Variants in PRSS53 observed in about 807,000 individuals in gnomAD.
PRSS53 encodes the protein EDTP308.
In PRSS53, 54 loss-of-function variants were observed where a neutral mutation model predicts 62.7. The observed-to-expected ratio is 0.86, with a 90% CI of 0.69 to 1.08. PRSS53 has a LOEUF of 1.08. Ranked by LOEUF, PRSS53 falls within the 50% of genes least tolerant of loss-of-function variation. The pLI, the probability that PRSS53 is intolerant of heterozygous loss-of-function variation, is 0.00. For missense variants in PRSS53, 688 were observed against 728.3 expected, an observed-to-expected ratio of 0.94 and a Z score of 0.64; for synonymous variants, 273 against 300.0, an observed-to-expected ratio of 0.91 and a Z score of 0.93.
At chr16:31,088,298 C>A in intron 1 of PRSS53, 1 of 1,125,198 alleles carries the variant, frequency 8.9e-7, no homozygotes, top group Non-Finnish European at 1.1e-6. Context: ...GTCTTCCCCA[C>A]CTTCCCAGAA....
intron 1 of PRSS53, chr16:31,088,484 A>C: frequency 7.5e-7 from 1 of 1,338,466 alleles, no homozygotes; most frequent in Non-Finnish European, 9.6e-7. Context: ...AGGGGGAGGC[A>C]GGCACAGGAC....
At chr16:31,083,458 TA>T in exon 11 of PRSS53, 1 of 1,309,698 alleles carries the variant, frequency 7.6e-7, no homozygotes, top group Admixed American at 3.8e-5. Context: ...ACAATTTATT[TA>T]AGTTTAAAAA....
chr16:31,084,673 G>A lies in PRSS53; in HGVS notation c.1310C>T (p.Thr437Ile), dbSNP rs769103401. 8 of 1,611,964 alleles carry A rather than the reference G, an allele frequency of 5.0e-6. No homozygotes were observed. Among genetic ancestry groups the A allele is most frequent in the Middle Eastern group, 1.7e-4 (1 of 5,768 alleles). ...GCTGCAGGCCCTAGGCCCCAGGAGG[G>A]TCACGGGCACTGTCTGGAGGGAGCT... is the stretch of plus-strand genomic sequence containing the variant. Residue 437 changes from threonine (T) to isoleucine (I), a missense_variant, in exon 9 of 11, where the codon ACC becomes ATC. By Grantham distance (89) the Thr-to-Ile change is moderately conservative. Coordinates refer to ENST00000280606, the Ensembl canonical transcript of PRSS53.
At chr16:31,088,149 C>A in intron 1 of PRSS53, 1 of 1,322,906 alleles carries the variant, frequency 7.6e-7, no homozygotes, top group Admixed American at 3.2e-5. Context: ...AGCCAGGCGG[C>A]CTGTGTGTGT....
At chr16:31,083,804 G>A (rs1244615124) in exon 11 of PRSS53, 1 of 1,614,072 alleles carries the variant, frequency 6.2e-7, no homozygotes, top group Non-Finnish European at 8.5e-7. Flanking sequence ...CAGCTGGTTG[G>A]TTGGCCTGTG....
exon 5 of PRSS53, chr16:31,086,352 C>A: frequency 6.2e-7 from 1 of 1,612,612 alleles, no homozygotes; most frequent in Non-Finnish European, 8.5e-7. Context: ...AGGGGCCCTG[C>A]ACCCCAGGCT....
chr16:31,086,190 C>T lies in PRSS53; in HGVS notation c.664-7G>A. 6.2e-7 allele frequency: 1 copy of T among 1,609,088 alleles called. No individual in the cohort carries two copies. Among genetic ancestry groups the T allele is most frequent in the South Asian group, 1.1e-5 (1 of 90,978 alleles). On this transcript the variant is annotated splice_region_variant and splice_polypyrimidine_tract_variant and intron_variant, in intron 5 of 10. Transcript: ENST00000280606. ...CAGGGCCCCCGGAATCTCCCTGGAG[C>T]CAGGCAACAAAGCCAAGGACAGATG... is the stretch of plus-strand genomic sequence containing the variant.
intron 3 of PRSS53, 51 bp downstream of exon 3, chr16:31,087,486 T>C (rs2143886515): frequency 7.0e-7 from 1 of 1,435,146 alleles, no homozygotes; most frequent in East Asian, 2.3e-5. Flanking sequence ...TTGAGACAAA[T>C]TGTCCACTCC....
Position 31,086,434 on chromosome 16 carries a change from C to A in PRSS53, c.566G>T (p.Cys189Phe), listed in dbSNP as rs768861705. Residue 189 changes from cysteine to phenylalanine, a missense_variant, in exon 5 of 11, where the codon TGT becomes TTT. Cys to Phe is a radical substitution (Grantham distance 205). Transcript: ENST00000280606. ...TCGCTGGTGCAGCTGGTTGTAGATACAGTTACATGTGGGGCGACTGATGAG... is the reference window on the plus strand; with the variant it reads ...TCGCTGGTGCAGCTGGTTGTAGATAAAGTTACATGTGGGGCGACTGATGAG... The A allele has an allele frequency of 5.0e-6, 8 of 1,613,416 alleles. No homozygotes were observed. In the East Asian group the frequency reaches 1.6e-4, roughly 31 times the overall value.
exon 11 of PRSS53, chr16:31,083,650 GC>G: frequency 6.5e-7 from 1 of 1,539,640 alleles, no homozygotes; most frequent in Non-Finnish European, 8.8e-7. Flanking sequence ...GTGGCCCCAG[GC>G]AGGTTCCTTC....
At chr16:31,085,971 G>A (rs777804152) in exon 6 of PRSS53, 3 of 1,613,324 alleles carry the variant, frequency 1.9e-6, no homozygotes, top group Admixed American at 3.3e-5. Flanking sequence ...TACCTACACA[G>A]CTGTCCTCAT....
rs745736961 is a variant in PRSS53 at position 31,086,506 on chromosome 16, G to A, written c.509-15C>T. 9 of 1,604,012 alleles carry A rather than the reference G, an allele frequency of 5.6e-6. No homozygotes were observed. Among genetic ancestry groups the A allele is most frequent in the African/African-American group, 2.7e-5 (2 of 74,758 alleles). ...GGTCCCAGGAGCTGGTGAAAGAGAC[G>A]GGGCTGGGGCTAGAGTCTGGGATCT... On this transcript the variant is annotated splice_polypyrimidine_tract_variant and intron_variant, in intron 4 of 10. Coordinates refer to ENST00000280606, the Ensembl canonical transcript of PRSS53.
intron 5 of PRSS53, 67 bp downstream of exon 5, chr16:31,086,270 G>C (rs960187094): frequency 6.3e-7 from 1 of 1,583,950 alleles, no homozygotes; most frequent in African/African-American, 1.3e-5. Context: ...CCCCAGTCCT[G>C]TGAGTCCAAC....
exon 11 of PRSS53, chr16:31,083,450 A>T: frequency 7.7e-7 from 1 of 1,305,582 alleles, no homozygotes; most frequent in Non-Finnish European, 9.8e-7. Flanking sequence ...ATTTTGTAAC[A>T]ATTTATTTAA....
intron 6 of PRSS53, 73 bp downstream of exon 6, chr16:31,085,891 G>T: frequency 7.2e-7 from 1 of 1,381,766 alleles, no homozygotes; most frequent in Non-Finnish European, 1.0e-6. Flanking sequence ...GGATGCCTAT[G>T]CCAGTTCTCT....
chr16:31,086,110 G>A (rs1177907184), exon 6 of PRSS53: 1 of 1,613,608 alleles, frequency 6.2e-7, no homozygotes, highest in East Asian at 2.2e-5. Context: ...ACAGCTTGAT[G>A]CAAAGCTGAT....
In PRSS53 at chr16:31,086,668, C is replaced by T; in HGVS notation, c.473G>A (p.Cys158Tyr). The T allele has an allele frequency of 2.6e-6, 4 of 1,543,782 alleles. No individual in the cohort carries two copies. The South Asian group carries it at 3.7e-5, about 14-fold the overall frequency. Reference sequence around the variant, plus strand: ...GTCCTGATCCCAGCCAGTGGCCCAGCAGGAGGCTCCAAAGGGGAAGCGATG... The same window carrying T: ...GTCCTGATCCCAGCCAGTGGCCCAGTAGGAGGCTCCAAAGGGGAAGCGATG... Residue 158 changes from cysteine to tyrosine, a missense_variant, in exon 4 of 11, where the codon TGC becomes TAC. Coordinates refer to ENST00000280606, the Ensembl canonical transcript of PRSS53.
chr16:31,086,482 G>A lies in PRSS53; in HGVS notation c.518C>T (p.Thr173Ile), dbSNP rs374655723. ...GAGACGCAGGCGCAGATTGCGTAGG[G>A]TCCCAGGAGCTGGTGAAAGAGACGG... The change falls in exon 5 of 11, where the codon ACC (threonine) becomes ATC (isoleucine). Residue 173 changes from threonine to isoleucine, a missense_variant. Thr to Ile is a moderately conservative substitution (Grantham distance 89). Coordinates refer to ENST00000280606, the Ensembl canonical transcript of PRSS53. 6.0e-5 allele frequency: 97 copies of A among 1,612,100 alleles called. 1 individual carries two copies. Among genetic ancestry groups the A allele is most frequent in the Non-Finnish European group, 7.7e-5 (91 of 1,178,766 alleles).
chr16:31,086,864 C>A, exon 4 of PRSS53: 1 of 1,604,266 alleles, frequency 6.2e-7, no homozygotes, highest in South Asian at 1.1e-5. Flanking sequence ...GAACCCAGGA[C>A]CACTGACCAG....
Sources: gnomAD v4.1 joint callset for allele counts on GRCh38, gnomAD v4.1.1 for gene constraint, MANE v1.5 for transcripts, NCBI Gene and HGNC (gene_info 2026-07-23, HGNC 2026-07-21) for gene names.